Variants in PPP1R21 observed in about 807,000 individuals in gnomAD.
The protein encoded by PPP1R21 is protein phosphatase 1 regulatory subunit 21, also known as KLRAQ motif containing 1.
In PPP1R21, 85 loss-of-function variants were observed where a neutral mutation model predicts 112.8. The observed-to-expected ratio is 0.75, with a 90% CI of 0.63 to 0.90. PPP1R21 has a LOEUF of 0.90. Among genes scored for constraint, PPP1R21 ranks in the 40% least tolerant of loss-of-function variants. PPP1R21 has a pLI of 0.00. For missense variants in PPP1R21, 1,199 were observed against 901.5 expected (o/e 1.33, Z -4.23); for synonymous variants, 381 against 322.3 (o/e 1.18, Z -1.95).
At chr2:48,497,814 G>A (rs934558180) in intron 16 of PPP1R21, among the ~76,000 whole-genome samples, 7 of 151,886 alleles carry the variant, frequency 4.6e-5, no homozygotes, top group African/African-American at 1.7e-4. Flanking sequence ...GCCACACCTG[G>A]CTAATTTTTT....
At chr2:48,497,253 T>C (rs1432220940) in intron 16 of PPP1R21, among the ~76,000 whole-genome samples, 2 of 152,232 alleles carry the variant, frequency 1.3e-5, no homozygotes, top group African/African-American at 4.8e-5. Context: ...TACTTGTTTG[T>C]TGATGGGGAA....
In PPP1R21 at chr2:48,458,246, C is replaced by G. The variant is rs1278482533; in HGVS notation, c.375+19C>G. 2.6e-6 allele frequency: 4 copies of G among 1,538,058 alleles called. No homozygotes were observed. In the East Asian group the frequency reaches 9.1e-5, roughly 35 times the overall value. ...TATACAAGTGAGAAAATCTGTTTTT[C>G]TATGTGAATTAAAAAATGGGTCTGT... On this transcript the variant is annotated intron_variant, in intron 4 of 21. Transcript: ENST00000294952.
At chr2:48,450,428 AT>A (rs1667422762) in intron 1 of PPP1R21, among the ~76,000 whole-genome samples, 1 of 152,334 alleles carries the variant, frequency 6.6e-6, no homozygotes, top group Admixed American at 6.5e-5. Context: ...GGGTACTATT[AT>A]TAACTTTTAA....
chr2:48,458,075 G>A (rs771216179), intron 3 of PPP1R21, 51 bp from the exon 4 acceptor site: 3 of 1,201,114 alleles, frequency 2.5e-6, no homozygotes, highest in Non-Finnish European at 3.7e-6. Context: ...ACCTTAGGAT[G>A]TTTCTCTAAA....
At chr2:48,513,913 A>T (rs1281324112) in intron 21 of PPP1R21, among the ~76,000 whole-genome samples, 1 of 152,182 alleles carries the variant, frequency 6.6e-6, no homozygotes, top group Non-Finnish European at 1.5e-5. Context: ...AGGAAATGGA[A>T]TAAGTCATCT....
At chr2:48,486,985 CAG>C (rs1454273346) in intron 14 of PPP1R21, among the ~76,000 whole-genome samples, 2 of 152,176 alleles carry the variant, frequency 1.3e-5, no homozygotes, top group African/African-American at 4.8e-5. Flanking sequence ...CTCCTGGACT[CAG>C]GGGAGTCTCC....
At chr2:48,488,559 A>C (rs1458402514) in intron 14 of PPP1R21, among the ~76,000 whole-genome samples, 1 of 151,940 alleles carries the variant, frequency 6.6e-6, no homozygotes, top group Non-Finnish European at 1.5e-5. Context: ...TTTAGTAGAG[A>C]CGGGATTTCA....
chr2:48,446,086 A>G (rs375265711), intron 1 of PPP1R21, among the ~76,000 whole-genome samples: 39 of 152,180 alleles, frequency 2.6e-4, no homozygotes, highest in East Asian at 2.5e-3. Flanking sequence ...ATAGGGTTGT[A>G]AAATATGTAT....
At chr2:48,489,410 A>G (rs1669454631) in intron 14 of PPP1R21, among the ~76,000 whole-genome samples, 1 of 150,616 alleles carries the variant, frequency 6.6e-6, no homozygotes. Context: ...CTCAGGTAAG[A>G]GGATTACTTG....
Position 48,465,007 on chromosome 2 carries a change from T to C in PPP1R21, c.747+18T>C. The C allele has an allele frequency of 6.4e-7, 1 of 1,553,416 alleles. No individual in the cohort carries two copies. The stretch of plus-strand genomic sequence containing the variant: ...GACACCAGGTAAAGGATGAAGTACA[T>C]GTTTTTATTTTCAGTTATATATACA... On this transcript the variant is annotated intron_variant, in intron 8 of 21. Coordinates refer to ENST00000294952, the MANE Select transcript of PPP1R21 (RefSeq NM_001135629.3).
chr2:48,464,204 G>A (rs558350308), intron 7 of PPP1R21, among the ~76,000 whole-genome samples: 2 of 152,170 alleles, frequency 1.3e-5, no homozygotes, highest in Admixed American at 1.3e-4. Context: ...GTAATGTATA[G>A]CCCAGTGAGT....
At chr2:48,497,112 T>A (rs1230312148) in intron 16 of PPP1R21, among the ~76,000 whole-genome samples, 2 of 152,228 alleles carry the variant, frequency 1.3e-5, no homozygotes, top group Admixed American at 1.3e-4. Flanking sequence ...TCCAGACTTG[T>A]GACTGCCGTC....
rs1161095817 is a variant in PPP1R21 at position 48,461,509 on chromosome 2, T to C, written c.694+277T>C. ...GCATTTTCCAAGATAAAAAACAACC[T>C]GCACATAAATAGTTGAATATTTGTA... On this transcript the variant is annotated intron_variant, in intron 7 of 21. Coordinates refer to ENST00000294952, the MANE Select transcript of PPP1R21 (RefSeq NM_001135629.3). Among the ~76,000 whole-genome samples the C allele has an allele frequency of 3.9e-5, 6 of 152,210 alleles. No individual in the cohort carries two copies. In the East Asian group the frequency reaches 1.2e-3, roughly 29 times the overall value.
At chr2:48,504,646 C>T (rs188092003) in intron 17 of PPP1R21, among the ~76,000 whole-genome samples, 1 of 126,108 alleles carries the variant, frequency 7.9e-6, no homozygotes, top group East Asian at 1.9e-4. Flanking sequence ...GTCTCAGAAA[C>T]AAACAAACAA....
chr2:48,502,037 T>G (rs1670141673), intron 17 of PPP1R21: 1 of 152,198 alleles, frequency 6.6e-6, no homozygotes, highest in African/African-American at 2.4e-5. Context: ...TGCTGGTATA[T>G]TTGAGTTGTT....
chr2:48,469,552 TAG>T (rs71327622), intron 9 of PPP1R21, among the ~76,000 whole-genome samples: 2 of 106,900 alleles, frequency 1.9e-5, no homozygotes, highest in African/African-American at 3.5e-5. Flanking sequence ...TATATATATA[TAG>T]AGAGAGAGAG....
chr2:48,467,047 A>C (rs1668237907), intron 9 of PPP1R21, among the ~76,000 whole-genome samples: 1 of 152,144 alleles, frequency 6.6e-6, no homozygotes, highest in Non-Finnish European at 1.5e-5. Flanking sequence ...GATTGTACTC[A>C]CAGTGTAACT....
chr2:48,482,704 T>G (rs1308161267), intron 13 of PPP1R21, among the ~76,000 whole-genome samples: 1 of 151,766 alleles, frequency 6.6e-6, no homozygotes. Context: ...AGTCTGTAGT[T>G]GTAATTATGA....
In PPP1R21 at chr2:48,491,037, AC is replaced by A; in HGVS notation, c.1467del (p.Asn489LysfsTer10). On this transcript the variant is annotated frameshift_variant, in exon 15 of 22. Coordinates refer to ENST00000294952, the MANE Select transcript of PPP1R21 (RefSeq NM_001135629.3). LOFTEE classifies it high-confidence loss of function. Reference sequence around the variant, plus strand: ...GTTTAGATTGCATCCTTCTTCAGCAACAATTTGGACTACTTCATTGCTTCAC... The same window carrying A: ...GTTTAGATTGCATCCTTCTTCAGCAAAATTTGGACTACTTCATTGCTTCAC... ...GAGKIASFFS[N>X]NLDYFIASLS... The A allele has an allele frequency of 6.2e-7, 1 of 1,614,150 alleles. No individual in the cohort carries two copies. The highest frequency in any genetic ancestry group is 8.5e-7 in the Non-Finnish European group (1 of 1,179,972).
Sources: allele counts gnomAD v4.1 joint callset (sites outside exome capture counted in the v4.1 genomes callset), GRCh38; gene constraint gnomAD v4.1.1; transcripts MANE v1.5; gene names NCBI Gene and HGNC (gene_info 2026-07-23, HGNC 2026-07-21).